Variants in HMCES observed in about 807,000 individuals in gnomAD.
The protein encoded by HMCES is abasic site processing protein HMCES.
A neutral mutation model predicts 35.1 loss-of-function variants in HMCES; 27 were observed. That is an observed-to-expected ratio of 0.77 (90% CI 0.57 to 1.06). The LOEUF (loss-of-function observed/expected upper bound fraction) is 1.06. HMCES is among the 50% of genes least tolerant of loss of function. HMCES has a pLI of 0.00. For synonymous variants in HMCES, 130 were observed against 154.7 expected (o/e 0.84, Z 1.18); for missense variants, 391 against 430.4 (o/e 0.91, Z 0.81).
intron 4 of HMCES, among the ~76,000 whole-genome samples, chr3:129,291,031 C>T (rs1008973921): frequency 3.3e-5 from 5 of 151,940 alleles, no homozygotes; most frequent in Admixed American, 6.6e-5. Flanking sequence ...GGTGAAACCC[C>T]GTCTCTACAA....
chr3:129,285,618 A>AT (rs532028343), intron 2 of HMCES, among the ~76,000 whole-genome samples: 5 of 149,616 alleles, frequency 3.3e-5, no homozygotes, highest in East Asian at 2.0e-4. Flanking sequence ...CGCCCGGCTA[A>AT]TTTTTTTTGT....
chr3:129,285,512 C>T (rs901764107), intron 2 of HMCES, among the ~76,000 whole-genome samples: 20 of 151,776 alleles, frequency 1.3e-4, no homozygotes, highest in African/African-American at 4.6e-4. Context: ...AGTGCAGTGG[C>T]ACAAACTCGG....
intron 3 of HMCES, among the ~76,000 whole-genome samples, 154 bp from the exon 4 acceptor site, chr3:129,290,525 C>G (rs999868559): frequency 2.6e-5 from 4 of 152,122 alleles, no homozygotes; most frequent in African/African-American, 9.7e-5. Flanking sequence ...CTCAAGTGAT[C>G]CTCCCATCTC....
At chr3:129,287,495 T>C (rs1940669878) in intron 2 of HMCES, among the ~76,000 whole-genome samples, 1 of 152,082 alleles carries the variant, frequency 6.6e-6, no homozygotes, top group South Asian at 2.1e-4. Flanking sequence ...GTCCGAGGTT[T>C]TTATTGGAGG....
At chr3:129,297,438 C>T (rs888480464) in intron 4 of HMCES, among the ~76,000 whole-genome samples, 4 of 152,066 alleles carry the variant, frequency 2.6e-5, no homozygotes, top group African/African-American at 9.7e-5. Flanking sequence ...AAGACTTTTG[C>T]TCCTTAGGGG....
At position 129,294,893 on chromosome 3, in the gene HMCES, C is replaced by T. The variant is rs544213055; in HGVS notation, c.454-3461C>T. ...ATCATCAGGGCCGGGCACAGTGGCT[C>T]ATGCCTGTAATCCCAGCACTTCGGG... is the stretch of plus-strand genomic sequence containing the variant. On this transcript the variant is annotated intron_variant, in intron 4 of 6. Coordinates refer to ENST00000383463, the MANE Select transcript of HMCES (RefSeq NM_020187.3). 8.5e-5 allele frequency among the ~76,000 whole-genome samples: 13 copies of T among 152,228 alleles called. No individual in the cohort carries two copies. In the South Asian group the frequency reaches 2.7e-3, roughly 32 times the overall value.
intron 6 of HMCES, 135 bp from the exon 7 acceptor site, chr3:129,304,454 C>T (rs2071210024): frequency 5.5e-6 from 4 of 725,384 alleles, no homozygotes; most frequent in Non-Finnish European, 2.4e-6. Context: ...GACTGGTGGG[C>T]CCCAGCTGGC....
At chr3:129,292,284 TG>T (rs2071028373) in intron 4 of HMCES, among the ~76,000 whole-genome samples, 1 of 151,920 alleles carries the variant, frequency 6.6e-6, no homozygotes, top group Admixed American at 6.5e-5. Flanking sequence ...CATCTCATTT[TG>T]GGGACTGGAA....
At position 129,279,406 on chromosome 3, in the gene HMCES, C is replaced by A. The variant is rs1410704665; in HGVS notation, c.-23-304C>A. 6.6e-6 allele frequency among the ~76,000 whole-genome samples: 1 copy of A among 152,214 alleles called. No individual in the cohort carries two copies. Among genetic ancestry groups the A allele is most frequent in the Non-Finnish European group, 1.5e-5 (1 of 68,030 alleles). On this transcript the variant is annotated intron_variant, in intron 1 of 6. Transcript: ENST00000383463. The surrounding 1 kb of genome is among the most constrained non-coding windows in gnomAD (Gnocchi z 4.2). ...CGGAGGAGGCGACCCCAGCTAGCTGCGCTTGCCCTGCTTCGCTGGACTGTG... is the reference window on the plus strand; with the variant it reads ...CGGAGGAGGCGACCCCAGCTAGCTGAGCTTGCCCTGCTTCGCTGGACTGTG...
At chr3:129,292,415 G>T (rs1333818247) in intron 4 of HMCES, among the ~76,000 whole-genome samples, 1 of 151,748 alleles carries the variant, frequency 6.6e-6, no homozygotes. Flanking sequence ...TGAGCCTGGG[G>T]TGGGGAGTGG....
chr3:129,283,780 A>C (rs1031372649), intron 2 of HMCES, among the ~76,000 whole-genome samples: 1 of 152,080 alleles, frequency 6.6e-6, no homozygotes, highest in Non-Finnish European at 1.5e-5. Flanking sequence ...CAGTGAGCCA[A>C]GATCGCGCCA....
Position 129,290,813 on chromosome 3 carries a change from A to G in HMCES, c.453+9A>G, listed in dbSNP as rs765098703. 6.2e-7 allele frequency: 1 copy of G among 1,610,616 alleles called. No individual in the cohort carries two copies. The highest frequency in any genetic ancestry group is 8.5e-7 in the Non-Finnish European group (1 of 1,177,296). Reference sequence around the variant, plus strand: ...AAATCAAGACAGAGAAGGTATCATTATCAGCATTCACAATATATATTTGGA... The same window carrying G: ...AAATCAAGACAGAGAAGGTATCATTGTCAGCATTCACAATATATATTTGGA... On this transcript the variant is annotated intron_variant, in intron 4 of 6. Transcript: ENST00000383463.
At chr3:129,299,608 C>G (rs2071135842) in intron 5 of HMCES, among the ~76,000 whole-genome samples, 2 of 150,558 alleles carry the variant, frequency 1.3e-5, no homozygotes, top group Admixed American at 1.3e-4. Context: ...TATATATAGG[C>G]CTTATTTATA....
chr3:129,290,932 G>A, intron 4 of HMCES, 128 bp downstream of exon 4: 3 of 898,120 alleles, frequency 3.3e-6, no homozygotes, highest in Non-Finnish European at 4.9e-6. Flanking sequence ...GCCCAGTGCG[G>A]TGGCTCACGC....
chr3:129,300,186 A>ATG (rs1453527098), intron 5 of HMCES, among the ~76,000 whole-genome samples: 2 of 149,100 alleles, frequency 1.3e-5, no homozygotes, highest in Non-Finnish European at 3.0e-5. Flanking sequence ...ATATATATAT[A>ATG]TATATAGAAA....
chr3:129,300,662 C>T (rs547259469), intron 5 of HMCES, among the ~76,000 whole-genome samples: 14 of 150,296 alleles, frequency 9.3e-5, no homozygotes, highest in African/African-American at 3.2e-4. Flanking sequence ...TTTGGGACGC[C>T]GAGGTGGGTG....
In HMCES at chr3:129,298,071, A is replaced by AT. The variant is rs748907931; in HGVS notation, c.454-281dup. Among the ~76,000 whole-genome samples the AT allele has an allele frequency of 8.3e-4, 126 of 152,300 alleles. 1 individual carries two copies. Among genetic ancestry groups the AT allele is most frequent in the Admixed American group, 1.4e-3 (21 of 15,300 alleles). On this transcript the variant is annotated intron_variant, in intron 4 of 6. Transcript: ENST00000383463. ...TTACCAACAGCTGGTTTGGGTTCAAATTAACAATGTAAGTAATAGCTAGAA... is the reference window on the plus strand; with the variant it reads ...TTACCAACAGCTGGTTTGGGTTCAAATTTAACAATGTAAGTAATAGCTAGAA...
At chr3:129,290,503 CG>C (rs1191063178) in intron 3 of HMCES, among the ~76,000 whole-genome samples, 175 bp from the exon 4 acceptor site, 1 of 152,038 alleles carries the variant, frequency 6.6e-6, no homozygotes, top group African/African-American at 2.4e-5. Flanking sequence ...AGGCTGGTCT[CG>C]AACTCCTGAC....
chr3:129,283,227 T>C (rs1940546115), intron 2 of HMCES, among the ~76,000 whole-genome samples: 1 of 152,026 alleles, frequency 6.6e-6, no homozygotes, highest in African/African-American at 2.4e-5. Flanking sequence ...ATTTTTTCAG[T>C]ATTGTTGTCT....
Sources: gnomAD v4.1 joint callset for allele counts (sites outside exome capture counted in the v4.1 genomes callset) on GRCh38, gnomAD v4.1.1 for gene constraint, Gnocchi (gnomAD v3.1) non-coding constraint, MANE v1.5 for transcripts, NCBI Gene and HGNC (gene_info 2026-07-23, HGNC 2026-07-21) for gene names.